Variants in TRPM6 observed in about 807,000 individuals in gnomAD.
The protein encoded by TRPM6 is channel kinase 2.
Under a neutral mutation model 247.6 loss-of-function variants are expected in TRPM6, and 111 were observed. The observed-to-expected ratio is 0.45, with a 90% confidence interval of 0.38 to 0.52. The LOEUF (loss-of-function observed/expected upper bound fraction) is 0.52, where lower values mean the gene tolerates loss of function less well. Ranked by LOEUF, TRPM6 falls within the 20% of genes least tolerant of loss-of-function variation. The probability of loss-of-function intolerance (pLI) is 0.00; values close to 1 mark genes in which losing one functional copy is unlikely to be tolerated. For synonymous variants in TRPM6, 892 were observed against 853.8 expected (o/e 1.04, Z -0.78); for missense variants, 2,126 against 2,421.5 (o/e 0.88, Z 2.56).
chr9:74,753,110 C>CA (rs35980332), intron 28 of TRPM6, among the ~76,000 whole-genome samples: 17,325 of 103,976 alleles, frequency 0.17, 1,907 homozygotes, highest in African/African-American at 0.31. Flanking sequence ...GAGACTGTCT[C>CA]AAAAAAAAAA....
rs768011964 is a variant in TRPM6 at position 74,762,014 on chromosome 9, T to A, written c.4657A>T (p.Ile1553Phe). Reference protein sequence around the residue: ...RFHKEEKLMKICKIKNLSGSS... With the variant: ...RFHKEEKLMKFCKIKNLSGSS... Reference sequence around the variant, plus strand: ...TATTCCTTACTTTTAATCTTACAGATCTTCATCAATTTCTCCTCCTTATGG... The same window carrying A: ...TATTCCTTACTTTTAATCTTACAGAACTTCATCAATTTCTCCTCCTTATGG... The change falls in exon 26 of 39, where the codon ATC becomes TTC. Residue 1553 changes from isoleucine to phenylalanine, a missense_variant. Ile to Phe is a conservative substitution (Grantham distance 21). Around this residue, in one of 3 missense-constraint regions of TRPM6, gnomAD observed 717 missense variants for 715.9 expected, o/e 1.00. Coordinates refer to ENST00000360774, the MANE Select transcript of TRPM6 (RefSeq NM_017662.5). 3.1e-6 allele frequency: 5 copies of A among 1,614,122 alleles called. No homozygotes were observed. In the Admixed American group the frequency reaches 6.7e-5, roughly 22 times the overall value.
intron 7 of TRPM6, chr9:74,827,574 T>C: frequency 1.5e-6 from 1 of 681,992 alleles, no homozygotes; most frequent in Non-Finnish European, 2.7e-6. Context: ...AAGACTTTAG[T>C]GGATCCTCGA....
At chr9:74,853,394 A>C (rs1205634825) in intron 3 of TRPM6, among the ~76,000 whole-genome samples, 1 of 152,230 alleles carries the variant, frequency 6.6e-6, no homozygotes, top group African/African-American at 2.4e-5. Flanking sequence ...CATGATGACG[A>C]TGGCGGTTTT....
Position 74,867,276 on chromosome 9 carries a change from T to G in TRPM6, c.34-8528A>C, listed in dbSNP as rs964810552. ...ATATGTCAAAAGGGCAAATAGCATC[T>G]TAGTACCATTATGAAAATAATTTTG... On this transcript the variant is annotated intron_variant, in intron 1 of 38. Coordinates refer to ENST00000360774, the MANE Select transcript of TRPM6 (RefSeq NM_017662.5). Among the ~76,000 whole-genome samples the G allele has an allele frequency of 2.6e-5, 4 of 152,212 alleles. No individual in the cohort carries two copies. In the East Asian group the frequency reaches 7.7e-4, roughly 29 times the overall value.
At chr9:74,856,813 G>A (rs1352655097) in intron 2 of TRPM6, among the ~76,000 whole-genome samples, 3 of 151,972 alleles carry the variant, frequency 2.0e-5, no homozygotes, top group African/African-American at 4.8e-5. Context: ...CTGCAAAAAA[G>A]CCTCAATTCT....
chr9:74,848,336 CAG>C (rs1275846766), intron 3 of TRPM6, among the ~76,000 whole-genome samples: 1 of 152,130 alleles, frequency 6.6e-6, no homozygotes, highest in Non-Finnish European at 1.5e-5. Context: ...GACAGTCAAT[CAG>C]ATAACCCTGA....
intron 33 of TRPM6, among the ~76,000 whole-genome samples, chr9:74,741,890 C>CA (rs5898377): frequency 8.7e-5 from 13 of 148,806 alleles, no homozygotes; most frequent in Middle Eastern, 3.5e-3. Context: ...AACTCCATCT[C>CA]AAAAAAAAAA....
Position 74,739,754 on chromosome 9 carries a change from T to G in TRPM6, c.5456A>C (p.Gln1819Pro), listed in dbSNP as rs751006684. ...EVVRTWHKIF[Q>P]ESTVLHLCLR... The stretch of plus-strand genomic sequence containing the variant: ...GCAAAGATGAAGCACAGTGCTCTCC[T>G]GGAAGATTTTATGCCATGTCCGCAC... Residue 1819 changes from glutamine (Q) to proline (P), a missense_variant, in exon 34 of 39, where the codon CAG becomes CCG. Gln to Pro is a moderately conservative substitution (Grantham distance 76, BLOSUM62 -1). This residue lies in a region of TRPM6 where 327 missense variants were observed against 397.7 expected (regional missense o/e 0.82). Coordinates refer to ENST00000360774, the MANE Select transcript of TRPM6 (RefSeq NM_017662.5). 6.2e-7 allele frequency: 1 copy of G among 1,613,816 alleles called. No homozygotes were observed.
chr9:74,742,504 C>T, intron 33 of TRPM6, 57 bp downstream of exon 33: 1 of 1,534,340 alleles, frequency 6.5e-7, no homozygotes, highest in South Asian at 1.1e-5. Context: ...CTTTGATTCA[C>T]TCAGATTTTA....
At chr9:74,752,150 C>T (rs986713092) in intron 29 of TRPM6, 127 bp downstream of exon 29, 10 of 639,530 alleles carry the variant, frequency 1.6e-5, no homozygotes, top group Admixed American at 2.6e-5. Context: ...AGCTTCAAAA[C>T]AAAGATTAAG....
Position 74,738,566 on chromosome 9 carries a change from A to G in TRPM6, c.5617T>C (p.Leu1873=). The change falls in exon 36 of 39, where the codon TTG becomes CTG. Residue 1873 remains leucine (L), a synonymous_variant. Transcript: ENST00000360774. Reference sequence around the variant, plus strand: ...CCTGTCATATACTTCTCAATGGTCAACCACTGGTTGGCTGAATGGCAGTAG... The same window carrying G: ...CCTGTCATATACTTCTCAATGGTCAGCCACTGGTTGGCTGAATGGCAGTAG... ...LIYCHSANQW[L]TIEKYMTGEF... 1 of 1,614,102 alleles carries G rather than the reference A, an allele frequency of 6.2e-7. No individual in the cohort carries two copies. Among genetic ancestry groups the G allele is most frequent in the Non-Finnish European group, 8.5e-7 (1 of 1,179,968 alleles).
chr9:74,733,019 T>A (rs1825575201), intron 36 of TRPM6, among the ~76,000 whole-genome samples: 1 of 151,770 alleles, frequency 6.6e-6, no homozygotes, highest in African/African-American at 2.4e-5. Context: ...CACGGTGAAA[T>A]CCCATCTCTA....
intron 1 of TRPM6, among the ~76,000 whole-genome samples, chr9:74,885,161 AG>A (rs1432840671): frequency 6.6e-6 from 1 of 152,242 alleles, no homozygotes; most frequent in Non-Finnish European, 1.5e-5. Context: ...CAAGGAAGAA[AG>A]CTTTTAATAG....
intron 9 of TRPM6, 143 bp downstream of exon 9, chr9:74,820,161 C>T (rs982356141): frequency 3.4e-6 from 3 of 875,314 alleles, no homozygotes; most frequent in Admixed American, 4.2e-5. Context: ...TTTTCTCCCT[C>T]CCCCCTCCAC....
chr9:74,882,829 T>G (rs1425925939), intron 1 of TRPM6, among the ~76,000 whole-genome samples: 5 of 151,916 alleles, frequency 3.3e-5, no homozygotes, highest in Non-Finnish European at 7.4e-5. Flanking sequence ...TACAAAGGAG[T>G]CTGTGTGAGA....
At chr9:74,804,334 A>G (rs1828456067) in intron 14 of TRPM6, 2 of 429,730 alleles carry the variant, frequency 4.7e-6, no homozygotes. Flanking sequence ...GTATTATATA[A>G]TATCTCCACT....
intron 3 of TRPM6, among the ~76,000 whole-genome samples, chr9:74,845,299 A>G (rs1012383832): frequency 4.6e-5 from 7 of 152,310 alleles, no homozygotes; most frequent in African/African-American, 1.7e-4. Context: ...AAAGTAACAT[A>G]CATGAGGTAT....
At chr9:74,867,526 C>T (rs1830885686) in intron 1 of TRPM6, among the ~76,000 whole-genome samples, 1 of 152,190 alleles carries the variant, frequency 6.6e-6, no homozygotes, top group African/African-American at 2.4e-5. Flanking sequence ...TGGTACTCAA[C>T]TGAAGAAAGT....
At chr9:74,745,842 C>T (rs1826027146) in intron 31 of TRPM6, among the ~76,000 whole-genome samples, 1 of 152,160 alleles carries the variant, frequency 6.6e-6, no homozygotes, top group South Asian at 2.1e-4. Flanking sequence ...CTCAGTTCAA[C>T]TTTCAGTTTA....
Sources: allele counts gnomAD v4.1 joint callset (sites outside exome capture counted in the v4.1 genomes callset), GRCh38; gene constraint gnomAD v4.1.1; regional missense constraint gnomAD v4.1.1; transcripts MANE v1.5; gene names NCBI Gene and HGNC (gene_info 2026-07-23, HGNC 2026-07-21).